GPCPD1: variants seen among roughly 807,000 people sequenced by gnomAD.
GPCPD1 encodes glycerophosphocholine phosphodiesterase GPCPD1.
GPCPD1 carries 29 observed loss-of-function variants against 89.2 expected under a neutral mutation model. The ratio of observed to expected loss-of-function variants is 0.33; its 90% CI spans 0.24 to 0.44. The LOEUF (loss-of-function observed/expected upper bound fraction) is 0.44, where lower values mean the gene tolerates loss of function less well. Ranked by LOEUF, GPCPD1 falls within the 20% of genes least tolerant of loss-of-function variation. The probability of loss-of-function intolerance (pLI) is 1.00; values close to 1 mark genes in which losing one functional copy is unlikely to be tolerated. For synonymous variants in GPCPD1, 258 were observed against 266.3 expected (o/e 0.97, Z 0.30); for missense variants, 594 against 808.9 (o/e 0.73, Z 3.22).
chr20:5,550,194 A>G (rs1297676889), intron 19 of GPCPD1, among the ~76,000 whole-genome samples: 1 of 151,354 alleles, frequency 6.6e-6, no homozygotes. Context: ...ACTATCTCAA[A>G]AAAAAAACAA....
At chr20:5,589,323 A>G (rs1249875653) in intron 4 of GPCPD1, among the ~76,000 whole-genome samples, 1 of 152,202 alleles carries the variant, frequency 6.6e-6, no homozygotes, top group Non-Finnish European at 1.5e-5. Flanking sequence ...TTAAAAAAAA[A>G]TTAACAGGCC....
intron 11 of GPCPD1, 68 bp from the exon 12 acceptor site, chr20:5,570,307 G>T: frequency 1.3e-6 from 1 of 743,414 alleles, no homozygotes; most frequent in South Asian, 1.6e-5. Flanking sequence ...CTGCAAGAAC[G>T]TAAGAAATTT....
intron 6 of GPCPD1, among the ~76,000 whole-genome samples, chr20:5,582,065 A>C (rs1448214263): frequency 6.7e-6 from 1 of 148,356 alleles, no homozygotes; most frequent in Non-Finnish European, 1.5e-5. Flanking sequence ...GGGCGCCTGT[A>C]GTCCCAGCTA....
chr20:5,551,680 T>G (rs756353930), intron 19 of GPCPD1, among the ~76,000 whole-genome samples: 2 of 152,008 alleles, frequency 1.3e-5, no homozygotes, highest in Non-Finnish European at 2.9e-5. Flanking sequence ...AGCTGGAGGG[T>G]AAGGCAGGAG....
chr20:5,593,462 C>A, intron 3 of GPCPD1, 51 bp from the exon 4 acceptor site: 3 of 893,976 alleles, frequency 3.4e-6, no homozygotes, highest in Non-Finnish European at 5.5e-6. Flanking sequence ...AACTACAGTG[C>A]ATAAAGACTT....
intron 4 of GPCPD1, among the ~76,000 whole-genome samples, chr20:5,590,268 C>A (rs1035846914): frequency 6.6e-6 from 1 of 152,000 alleles, no homozygotes; most frequent in Non-Finnish European, 1.5e-5. Flanking sequence ...AGGCCACGTG[C>A]GGTGGCTCCT....
At chr20:5,589,963 C>T (rs1979210489) in intron 4 of GPCPD1, among the ~76,000 whole-genome samples, 1 of 152,146 alleles carries the variant, frequency 6.6e-6, no homozygotes, top group Non-Finnish European at 1.5e-5. Context: ...TGTTTCCAAA[C>T]ATGTATATTA....
intron 5 of GPCPD1, chr20:5,585,418 T>C (rs1978842480): frequency 6.6e-6 from 1 of 152,096 alleles, no homozygotes; most frequent in Admixed American, 6.5e-5. Flanking sequence ...ATTTTAACTT[T>C]ACCTAGAAAC....
Position 5,565,023 on chromosome 20 carries a change from A to C in GPCPD1, c.1323T>G (p.Leu441=). Reference sequence around the variant, plus strand: ...GTTTTCCTCAATAACTTACCATCTTAAGAGAAGGAAATGGCTGATTTTCTG... The same window carrying C: ...GTTTTCCTCAATAACTTACCATCTTCAGAGAAGGAAATGGCTGATTTTCTG... ...SFSENQPFPS[L]KMVLESLPED... is the part of the protein sequence containing the mutation. Residue 441 remains leucine (L), a synonymous_variant, in exon 15 of 20, where the codon CTT becomes CTG. Coordinates refer to ENST00000379019, the MANE Select transcript of GPCPD1 (RefSeq NM_019593.5). 6.8e-7 allele frequency: 1 copy of C among 1,472,382 alleles called. No homozygotes were observed. The highest frequency in any genetic ancestry group is 9.5e-7 in the Non-Finnish European group (1 of 1,051,274). 91.2% of individuals were successfully genotyped at this position (1,472,382 alleles called of 1,614,324 possible). A position where few individuals can be genotyped will look rare whatever the true frequency, so the allele number is the denominator to read the frequency against.
intron 19 of GPCPD1, among the ~76,000 whole-genome samples, chr20:5,556,412 G>A (rs1381527106): frequency 2.0e-5 from 3 of 152,120 alleles, no homozygotes; most frequent in Non-Finnish European, 2.9e-5. Flanking sequence ...CACCATGTTG[G>A]TCAGGCTGGT....
rs1011830520 is a variant in GPCPD1 at position 5,578,664 on chromosome 20, C to T, written c.474-53G>A. 2.7e-6 allele frequency: 3 copies of T among 1,116,736 alleles called. No homozygotes were observed. In the African/African-American group the frequency reaches 4.6e-5, roughly 17 times the overall value. The allele number at this position is 1,116,736 out of a possible 1,614,324, so 69.2% of individuals were successfully genotyped here. On this transcript the variant is annotated intron_variant, in intron 7 of 19. Transcript: ENST00000379019. The stretch of plus-strand genomic sequence containing the variant: ...CAAGAAGTGGCAGAAAAGAAAAACT[C>T]ATACAAATGTTGCCTAAATTCTACA...
intron 12 of GPCPD1, among the ~76,000 whole-genome samples, chr20:5,568,988 CTCATT>C (rs1986555595): frequency 6.6e-6 from 1 of 152,094 alleles, no homozygotes; most frequent in African/African-American, 2.4e-5. Context: ...TTCACTCTTT[CTCATT>C]TATCTTTTCA....
At chr20:5,594,646 CA>C (rs1979583482) in intron 3 of GPCPD1, among the ~76,000 whole-genome samples, 1 of 152,182 alleles carries the variant, frequency 6.6e-6, no homozygotes, top group Non-Finnish European at 1.5e-5. Context: ...GACCATTAAC[CA>C]AACGTTAATT....
intron 8 of GPCPD1, among the ~76,000 whole-genome samples, chr20:5,577,066 T>G (rs374610485): frequency 0.12 from 5,150 of 41,722 alleles, 68 homozygotes; most frequent in African/African-American, 0.16. Flanking sequence ...TTTTTTTTTG[T>G]TTTTTTTTTT....
chr20:5,561,299 G>A (rs1243488753), intron 16 of GPCPD1, among the ~76,000 whole-genome samples, 166 bp downstream of exon 16: 1 of 152,210 alleles, frequency 6.6e-6, no homozygotes, highest in Non-Finnish European at 1.5e-5. Context: ...TAGCATGAAT[G>A]CAAGATATGT....
chr20:5,596,285 G>A (rs1408739001), intron 3 of GPCPD1, among the ~76,000 whole-genome samples: 2 of 152,014 alleles, frequency 1.3e-5, no homozygotes, highest in Non-Finnish European at 2.9e-5. Context: ...CTAGCTACTC[G>A]AGAGGCTGAG....
intron 16 of GPCPD1, 128 bp from the exon 17 acceptor site, chr20:5,560,204 AGAT>A (rs1986010315): frequency 1.9e-6 from 1 of 526,650 alleles, no homozygotes; most frequent in East Asian, 3.4e-5. Flanking sequence ...ACTATTTTAT[AGAT>A]GATGAAACCT....
chr20:5,578,363 C>A lies in GPCPD1; in HGVS notation c.705+17G>T. On this transcript the variant is annotated intron_variant, in intron 8 of 19. Coordinates refer to ENST00000379019, the MANE Select transcript of GPCPD1 (RefSeq NM_019593.5). ...CCTGCATTCTTTCTCAATCCCCTCA[C>A]TGCAGTAACTACTCACTTCGAAAAA... The A allele has an allele frequency of 7.3e-7, 1 of 1,373,332 alleles. No homozygotes were observed. The highest frequency in any genetic ancestry group is 1.2e-5 in the South Asian group (1 of 86,330). 85.1% of individuals were successfully genotyped at this position (1,373,332 alleles called of 1,614,324 possible).
chr20:5,600,612 T>A (rs1161031824), intron 2 of GPCPD1, among the ~76,000 whole-genome samples: 1 of 151,948 alleles, frequency 6.6e-6, no homozygotes, highest in Non-Finnish European at 1.5e-5. Flanking sequence ...GGCAGGCAGA[T>A]CACTAGGTCA....
Sources: allele counts gnomAD v4.1 joint callset (sites outside exome capture counted in the v4.1 genomes callset), GRCh38; gene constraint gnomAD v4.1.1; transcripts MANE v1.5; gene names NCBI Gene and HGNC (gene_info 2026-07-23, HGNC 2026-07-21).